Variants in MROH2B observed in about 807,000 individuals in gnomAD.
MROH2B encodes the protein maestro heat-like repeat-containing protein family member 2B.
In MROH2B, 177 loss-of-function variants were observed where a neutral mutation model predicts 208.6. The observed-to-expected ratio is 0.85, with a 90% CI of 0.75 to 0.96. The LOEUF is 0.96. Ranked by LOEUF, MROH2B falls within the 40% of genes least tolerant of loss-of-function variation. MROH2B has a pLI of 0.00. For synonymous variants in MROH2B, 728 were observed against 659.0 expected, an observed-to-expected ratio of 1.10 and a Z score of -1.60; for missense variants, 2,002 against 1,878.7, an observed-to-expected ratio of 1.07 and a Z score of -1.21.
At chr5:41,032,934 T>A in intron 23 of MROH2B, 107 bp downstream of exon 23, 2 of 1,557,504 alleles carry the variant, frequency 1.3e-6, no homozygotes, top group Non-Finnish European at 1.7e-6. Flanking sequence ...AAGGCAGAGA[T>A]CTGTTATGTG....
chr5:41,028,763 A>G (rs905359498), intron 24 of MROH2B, among the ~76,000 whole-genome samples: 3 of 152,216 alleles, frequency 2.0e-5, no homozygotes, highest in Non-Finnish European at 4.4e-5. Flanking sequence ...ATAATGCTGC[A>G]ATAAATATGG....
At chr5:41,042,762 G>C (rs1742994932) in intron 18 of MROH2B, among the ~76,000 whole-genome samples, 1 of 151,966 alleles carries the variant, frequency 6.6e-6, no homozygotes, top group African/African-American at 2.4e-5. Context: ...GTGCCACCAT[G>C]CCTGGTTAAT....
chr5:41,025,319 TCAAA>T (rs1742314493), intron 24 of MROH2B, among the ~76,000 whole-genome samples: 1 of 147,822 alleles, frequency 6.8e-6, no homozygotes. Context: ...GAGAGAGGAA[TCAAA>T]CAGACACAAT....
At position 41,033,073 on chromosome 5, in the gene MROH2B, A is replaced by G. The variant is rs754926383; in HGVS notation, c.2329T>C (p.Ser777Pro). The change falls in exon 23 of 42, where the codon TCC becomes CCC. Residue 777 changes from serine to proline, a missense_variant. Ser to Pro is a moderately conservative substitution (Grantham distance 74). Coordinates refer to ENST00000399564, the MANE Select transcript of MROH2B (RefSeq NM_173489.5). Reference sequence around the variant, plus strand: ...TAACCAATCAGCATCTCCTTGTAGGAAAACTGGAACCCCTGATCCTCAGCA... The same window carrying G: ...TAACCAATCAGCATCTCCTTGTAGGGAAACTGGAACCCCTGATCCTCAGCA... Reference protein sequence around the residue: ...QDAEDQGFQFSYKEMLIGYML... With the variant: ...QDAEDQGFQFPYKEMLIGYML... 6.2e-7 allele frequency: 1 copy of G among 1,612,972 alleles called. No homozygotes were observed. Among genetic ancestry groups the G allele is most frequent in the East Asian group, 2.2e-5 (1 of 44,882 alleles).
intron 6 of MROH2B, among the ~76,000 whole-genome samples, chr5:41,059,884 T>C (rs889463088): frequency 6.6e-6 from 1 of 152,220 alleles, no homozygotes; most frequent in African/African-American, 2.4e-5. Context: ...TTGTCACTTA[T>C]GCAATGATGA....
chr5:41,048,342 G>A lies in MROH2B; in HGVS notation c.1666C>T (p.Leu556Phe). 1.2e-6 allele frequency: 2 copies of A among 1,613,224 alleles called. No homozygotes were observed. The highest frequency in any genetic ancestry group is 1.7e-6 in the Non-Finnish European group (2 of 1,179,494). ...VDLWKTRLPELLQPLEGKNIS... is the reference protein window; with the variant it reads ...VDLWKTRLPEFLQPLEGKNIS... ...CTTGTACCTTCCAGAGGCTGCAGAA[G>A]CTCAGGTAAACGTGTTTTCCATAGG... The change falls in exon 16 of 42, where the codon CTT becomes TTT. Residue 556 changes from leucine to phenylalanine, a missense_variant. Physicochemically the swap from Leu to Phe is conservative, Grantham distance 22 (BLOSUM62 0). Transcript: ENST00000399564.
intron 13 of MROH2B, among the ~76,000 whole-genome samples, chr5:41,050,329 G>A (rs1012960550): frequency 1.3e-5 from 2 of 152,142 alleles, no homozygotes; most frequent in African/African-American, 4.8e-5. Flanking sequence ...ATATCAGAAG[G>A]TCTTAAACTT....
Position 41,038,915 on chromosome 5 carries a change from A to G in MROH2B, c.2062-27T>C, listed in dbSNP as rs1307056435. ...TGAAGACCAGGAAAGGGAGACATGA[A>G]AAATGTGACTGAAGGAGTTCTATTT... On this transcript the variant is annotated intron_variant, in intron 20 of 41. Transcript: ENST00000399564. The G allele has an allele frequency of 7.6e-6, 12 of 1,582,284 alleles. 1 individual carries two copies. Among genetic ancestry groups the G allele is most frequent in the South Asian group, 3.4e-5 (3 of 88,184 alleles).
chr5:41,047,672 C>T (rs1417986015), intron 17 of MROH2B, 49 bp downstream of exon 17: 5 of 1,524,146 alleles, frequency 3.3e-6, no homozygotes, highest in Non-Finnish European at 4.5e-6. Flanking sequence ...GTAACTTCAG[C>T]TGATTTCATC....
intron 24 of MROH2B, among the ~76,000 whole-genome samples, chr5:41,021,932 A>G (rs1036918215): frequency 6.6e-6 from 1 of 152,250 alleles, no homozygotes; most frequent in African/African-American, 2.4e-5. Context: ...TAAAGAGCTT[A>G]TAAGTAAACC....
At chr5:41,018,525 G>A (rs1467611684) in intron 26 of MROH2B, 95 bp from the exon 27 acceptor site, 25 of 1,460,480 alleles carry the variant, frequency 1.7e-5, no homozygotes, top group African/African-American at 4.2e-5. Flanking sequence ...TTTGTAACAC[G>A]GTGCTCACCT....
At chr5:41,052,326 T>C (rs1743310169) in intron 12 of MROH2B, 139 bp downstream of exon 12, 1 of 779,618 alleles carries the variant, frequency 1.3e-6, no homozygotes, top group African/African-American at 1.8e-5. Context: ...TTATTTTTAA[T>C]TTTTTTAAAA....
rs1743735769 is a variant in MROH2B, at chr5:41,064,458, A to G, written c.460+14T>C. On this transcript the variant is annotated intron_variant, in intron 5 of 41. Transcript: ENST00000399564. ...CTGGTTTTTAAGCAAAAAGGAAATC[A>G]TCGGGATACCCACCAATACAGAAAG... The G allele has an allele frequency of 6.2e-7, 1 of 1,609,568 alleles. No individual in the cohort carries two copies. Among genetic ancestry groups the G allele is most frequent in the East Asian group, 2.2e-5 (1 of 44,818 alleles).
In MROH2B at chr5:41,025,736, A is replaced by G. The variant is rs534783600; in HGVS notation, c.2442-6718T>C. On this transcript the variant is annotated intron_variant, in intron 24 of 41. Coordinates refer to ENST00000399564, the MANE Select transcript of MROH2B (RefSeq NM_173489.5). ...AGCCTGGCAGAGACACAACAAAAAAAAGAGAATTTTAGACCAATATCCCTG... is the reference window on the plus strand; with the variant it reads ...AGCCTGGCAGAGACACAACAAAAAAGAGAGAATTTTAGACCAATATCCCTG... 4.1e-3 allele frequency among the ~76,000 whole-genome samples: 623 copies of G among 152,326 alleles called. 4 individuals are homozygous for G. The highest frequency in any genetic ancestry group is 0.014 in the African/African-American group (590 of 41,568).
chr5:41,032,784 C>T lies in MROH2B; in HGVS notation c.2399G>A (p.Ser800Asn). ...GATTAAGGCTTTCCACCGAATAGGGCTAGCTAAGGAATCCAGGGGCTCGTC... is the reference window on the plus strand; with the variant it reads ...GATTAAGGCTTTCCACCGAATAGGGTTAGCTAAGGAATCCAGGGGCTCGTC... Reference protein sequence around the residue: ...IRDEPLDSLASPIRWKALIAI... With the variant: ...IRDEPLDSLANPIRWKALIAI... Residue 800 changes from serine (S) to asparagine (N), a missense_variant, in exon 24 of 42, where the codon AGC (serine) becomes AAC (asparagine). Physicochemically the swap from Ser to Asn is conservative, Grantham distance 46 (BLOSUM62 1). Coordinates refer to ENST00000399564, the MANE Select transcript of MROH2B (RefSeq NM_173489.5). 1 of 1,612,648 alleles carries T rather than the reference C, an allele frequency of 6.2e-7. No individual in the cohort carries two copies. The highest frequency in any genetic ancestry group is 8.5e-7 in the Non-Finnish European group (1 of 1,179,204).
chr5:41,028,829 T>C (rs1742469155), intron 24 of MROH2B, among the ~76,000 whole-genome samples: 1 of 152,108 alleles, frequency 6.6e-6, no homozygotes, highest in Admixed American at 6.6e-5. Context: ...GTACAAGTGG[T>C]TTTTGTTACA....
intron 4 of MROH2B, 91 bp downstream of exon 4, chr5:41,065,240 G>A: frequency 8.2e-7 from 1 of 1,225,058 alleles, no homozygotes; most frequent in Non-Finnish European, 1.1e-6. Context: ...AGGCAGAGAT[G>A]CTATCTCTTC....
At chr5:41,065,259 G>C in intron 4 of MROH2B, 72 bp downstream of exon 4, 1 of 1,408,982 alleles carries the variant, frequency 7.1e-7, no homozygotes, top group Non-Finnish European at 9.6e-7. Flanking sequence ...TCTACCGTTT[G>C]CTCCCATTTA....
rs745703260 is a variant in MROH2B, at chr5:41,049,082, T to A, written c.1542+19A>T. ...TCAGCTTAAATTTGTTCTACTTTGG[T>A]TCTTAGTAACTCACTCACCAGAAGT... On this transcript the variant is annotated intron_variant, in intron 15 of 41. Coordinates refer to ENST00000399564, the MANE Select transcript of MROH2B (RefSeq NM_173489.5). The A allele has an allele frequency of 6.3e-7, 1 of 1,584,576 alleles. No individual in the cohort carries two copies. Among genetic ancestry groups the A allele is most frequent in the South Asian group, 1.2e-5 (1 of 86,774 alleles).
Sources: allele counts gnomAD v4.1 joint callset (sites outside exome capture counted in the v4.1 genomes callset), GRCh38; gene constraint gnomAD v4.1.1; transcripts MANE v1.5; gene names NCBI Gene and HGNC (gene_info 2026-07-23, HGNC 2026-07-21).